Variants in TRAF3IP3 observed in about 807,000 individuals in gnomAD.
TRAF3IP3 encodes TRAF3 interacting protein 3.
Under a neutral mutation model 86.5 loss-of-function variants are expected in TRAF3IP3, and 64 were observed. The observed-to-expected ratio is 0.74, with a 90% confidence interval of 0.60 to 0.91. The LOEUF (loss-of-function observed/expected upper bound fraction) is 0.91, where lower values mean the gene tolerates loss of function less well. Ranked by LOEUF, TRAF3IP3 falls within the 40% of genes least tolerant of loss-of-function variation. The pLI, the probability that TRAF3IP3 is intolerant of heterozygous loss-of-function variation, is 0.00. For synonymous variants in TRAF3IP3, 220 were observed against 243.9 expected (o/e 0.90, Z 0.91); for missense variants, 579 against 642.9 (o/e 0.90, Z 1.07).
intron 8 of TRAF3IP3, among the ~76,000 whole-genome samples, chr1:209,766,598 T>A (rs899228359): frequency 6.6e-6 from 1 of 152,218 alleles, no homozygotes; most frequent in African/African-American, 2.4e-5. Context: ...GCACGGCAGC[T>A]CATGCCTATA....
In TRAF3IP3 at chr1:209,778,133, A is replaced by G. The variant is rs1308074997; in HGVS notation, c.1212A>G (p.Ala404=). The change falls in exon 13 of 17, where the codon GCA becomes GCG. Residue 404 remains alanine, a synonymous_variant. Transcript: ENST00000367025. The stretch of plus-strand genomic sequence containing the variant: ...CAGATCAACTAAAAAGGTCAGAGGC[A>G]GAGAAACTCACCCTGGTGACCAGAG... The part of the protein sequence containing the change: ...DLQDQLKRSE[A]EKLTLVTRVQ... 3 of 1,614,088 alleles carry G rather than the reference A, an allele frequency of 1.9e-6. No homozygotes were observed. The highest frequency in any genetic ancestry group is 2.5e-6 in the Non-Finnish European group (3 of 1,179,926).
chr1:209,761,472 G>C (rs1426615330), intron 3 of TRAF3IP3, among the ~76,000 whole-genome samples: 1 of 152,292 alleles, frequency 6.6e-6, no homozygotes, highest in African/African-American at 2.4e-5. Flanking sequence ...GCTTGGCATT[G>C]TTCCCTACCC....
At chr1:209,762,730 T>A (rs2077268392) in intron 4 of TRAF3IP3, 68 bp downstream of exon 4, 2 of 1,093,588 alleles carry the variant, frequency 1.8e-6, no homozygotes, top group East Asian at 3.0e-5. Context: ...CCCAGCTCAC[T>A]GGCAATGGAG....
intron 13 of TRAF3IP3, 68 bp downstream of exon 13, chr1:209,778,241 C>A: frequency 7.3e-7 from 1 of 1,363,412 alleles, no homozygotes. Flanking sequence ...CAAAAGGCAC[C>A]CAGAGTAGGG....
At chr1:209,775,167 C>T (rs957210218) in intron 9 of TRAF3IP3, 182 bp from the exon 10 acceptor site, 3 of 624,536 alleles carry the variant, frequency 4.8e-6, no homozygotes, top group Non-Finnish European at 8.5e-6. Context: ...TTATGCCCTC[C>T]ACTCATCTCT....
At chr1:209,766,423 A>G (rs935851181) in intron 8 of TRAF3IP3, among the ~76,000 whole-genome samples, 1 of 152,268 alleles carries the variant, frequency 6.6e-6, no homozygotes, top group African/African-American at 2.4e-5. Context: ...AGGAGCTCAC[A>G]GTCCAGCCAT....
intron 4 of TRAF3IP3, 24 bp from the exon 5 acceptor site, chr1:209,762,789 A>T (rs748437166): frequency 6.2e-7 from 1 of 1,613,942 alleles, no homozygotes. Context: ...TAAGTTCTAA[A>T]TCAACTTATC....
At chr1:209,764,616 T>C (rs2102445750) in intron 8 of TRAF3IP3, among the ~76,000 whole-genome samples, 1 of 151,650 alleles carries the variant, frequency 6.6e-6, no homozygotes, top group South Asian at 2.1e-4. Context: ...TGGTTGCACA[T>C]GCCTGTAATC....
At chr1:209,768,422 T>C in intron 8 of TRAF3IP3, 2 of 985,484 alleles carry the variant, frequency 2.0e-6, no homozygotes, top group South Asian at 4.7e-5. Flanking sequence ...TTCAATATTG[T>C]GCAATACAAA....
At chr1:209,759,715 G>A (rs2077211717) in intron 2 of TRAF3IP3, among the ~76,000 whole-genome samples, 1 of 152,192 alleles carries the variant, frequency 6.6e-6, no homozygotes, top group African/African-American at 2.4e-5. Flanking sequence ...CAGTCAAGGA[G>A]TAAGTGGCAG....
intron 1 of TRAF3IP3, among the ~76,000 whole-genome samples, chr1:209,758,321 C>T (rs2102423047): frequency 6.6e-6 from 1 of 152,308 alleles, no homozygotes; most frequent in East Asian, 1.9e-4. Context: ...AATAACCTCA[C>T]ATTTCTGCTT....
rs998226214 is a variant in TRAF3IP3, at chr1:209,759,122, T to A, written c.-71T>A. 3 of 152,256 alleles carry A rather than the reference T, an allele frequency of 2.0e-5. No individual in the cohort carries two copies. The highest frequency in any genetic ancestry group is 7.2e-5 in the African/African-American group (3 of 41,450). The allele number at this position is 152,256 out of a possible 1,614,324, so 9.4% of individuals were successfully genotyped here. A position where few individuals can be genotyped will look rare whatever the true frequency, so the allele number is the denominator to read the frequency against. On this transcript the variant is annotated 5_prime_UTR_variant, in exon 2 of 17. Coordinates refer to ENST00000367025, the MANE Select transcript of TRAF3IP3 (RefSeq NM_025228.4). ...AAGGAAAGCAGACTTGGCACCAACA[T>A]TAACCCTGACAGGTTGGTAATCCTA... is the stretch of plus-strand genomic sequence containing the variant.
chr1:209,781,238 G>A, intron 15 of TRAF3IP3, 107 bp from the exon 16 acceptor site: 7 of 668,722 alleles, frequency 1.0e-5, no homozygotes, highest in Non-Finnish European at 1.9e-5. Context: ...AAGGGAAGAT[G>A]GTGGTAAAAA....
chr1:209,762,800 C>T lies in TRAF3IP3; in HGVS notation c.494-13C>T, dbSNP rs566670342. On this transcript the variant is annotated splice_polypyrimidine_tract_variant and intron_variant, in intron 4 of 16. Transcript: ENST00000367025. Reference sequence around the variant, plus strand: ...CCTGTAAGTTCTAAATCAACTTATCCTCCATCTCTCAGGTACTCAGACAAA... The same window carrying T: ...CCTGTAAGTTCTAAATCAACTTATCTTCCATCTCTCAGGTACTCAGACAAA... 1 of 1,521,714 alleles carries T rather than the reference C, an allele frequency of 6.6e-7. No individual in the cohort carries two copies. Among genetic ancestry groups the T allele is most frequent in the African/African-American group, 2.1e-5 (1 of 46,900 alleles). The allele number at this position is 1,521,714 out of a possible 1,614,324, so 94.3% of individuals were successfully genotyped here.
chr1:209,758,294 T>A (rs534721034), intron 1 of TRAF3IP3, among the ~76,000 whole-genome samples: 2 of 152,306 alleles, frequency 1.3e-5, no homozygotes, highest in South Asian at 4.1e-4. Context: ...AGAATGGGTA[T>A]GTAGAGGACA....
At chr1:209,771,677 G>T (rs2077534037) in intron 8 of TRAF3IP3, among the ~76,000 whole-genome samples, 1 of 148,318 alleles carries the variant, frequency 6.7e-6, no homozygotes, top group Non-Finnish European at 1.5e-5. Flanking sequence ...GTGTGTTCAG[G>T]TGGAGGTACG....
chr1:209,760,245 G>A lies in TRAF3IP3; in HGVS notation c.206G>A (p.Arg69Lys). The A allele has an allele frequency of 6.2e-7, 1 of 1,614,250 alleles. No individual in the cohort carries two copies. The highest frequency in any genetic ancestry group is 8.5e-7 in the Non-Finnish European group (1 of 1,180,042). Residue 69 changes from arginine to lysine, a missense_variant, in exon 3 of 17, where the codon AGG becomes AAG. Coordinates refer to ENST00000367025, the MANE Select transcript of TRAF3IP3 (RefSeq NM_025228.4). ...RARLQQFFRR[R>K]NLELEEKGKA... is the part of the protein sequence containing the mutation. ...CGACTGCAGCAGTTCTTCAGGAGGAGGAACCTGGAGCTAGAGGAGAAGGGC... is the reference window on the plus strand; with the variant it reads ...CGACTGCAGCAGTTCTTCAGGAGGAAGAACCTGGAGCTAGAGGAGAAGGGC...
intron 8 of TRAF3IP3, among the ~76,000 whole-genome samples, chr1:209,767,895 C>T (rs991348858): frequency 6.6e-6 from 1 of 152,090 alleles, no homozygotes; most frequent in African/African-American, 2.4e-5. Context: ...CATGCTCCAG[C>T]CCAAGAGCAG....
At chr1:209,765,231 A>AGAGGGAGAGAGAGAGAG in intron 8 of TRAF3IP3, among the ~76,000 whole-genome samples, 1 of 39,812 alleles carries the variant, frequency 2.5e-5, no homozygotes, top group East Asian at 9.8e-4. Context: ...GAGAGAGAGG[A>AGAGGGAGAGAGAGAGAG]AGGAAGGAAG....
Sources: gnomAD v4.1 joint callset for allele counts (sites outside exome capture counted in the v4.1 genomes callset) on GRCh38, gnomAD v4.1.1 for gene constraint, MANE v1.5 for transcripts, NCBI Gene and HGNC (gene_info 2026-07-23, HGNC 2026-07-21) for gene names.